Variants in PDZRN4 observed in about 807,000 individuals in gnomAD.
The protein encoded by PDZRN4 is PDZ domain containing ring finger 4, also known as PDZ domain-containing RING finger protein 4.
In PDZRN4, 70 loss-of-function variants were observed where a neutral mutation model predicts 99.0. That is an observed-to-expected ratio of 0.71 (90% CI 0.58 to 0.86). PDZRN4 has a LOEUF of 0.86. Among genes scored for constraint, PDZRN4 ranks in the 40% least tolerant of loss-of-function variants. PDZRN4 has a pLI of 0.00. For synonymous variants in PDZRN4, 551 were observed against 501.6 expected, an observed-to-expected ratio of 1.10 and a Z score of -1.32; for missense variants, 1,474 against 1,331.2, an observed-to-expected ratio of 1.11 and a Z score of -1.67.
At chr12:41,521,700 T>C (rs1938495394) in intron 5 of PDZRN4, among the ~76,000 whole-genome samples, 1 of 152,102 alleles carries the variant, frequency 6.6e-6, no homozygotes, top group Non-Finnish European at 1.5e-5. Context: ...AAGAATTTCT[T>C]CTTTCTCTTA....
chr12:41,523,005 C>A (rs1938518168), intron 5 of PDZRN4, among the ~76,000 whole-genome samples: 1 of 152,028 alleles, frequency 6.6e-6, no homozygotes, highest in African/African-American at 2.4e-5. Flanking sequence ...TTGTATCACT[C>A]TTATTGGAAG....
chr12:41,367,071 A>G (rs1952006119), intron 3 of PDZRN4, among the ~76,000 whole-genome samples: 1 of 152,086 alleles, frequency 6.6e-6, no homozygotes, highest in African/African-American at 2.4e-5. Context: ...ATGAGATTAC[A>G]AGAGGCAAAA....
rs567896522 is a variant in PDZRN4, at chr12:41,229,218, T to C, written c.843+35030T>C. 5.9e-5 allele frequency among the ~76,000 whole-genome samples: 9 copies of C among 151,652 alleles called. No individual in the cohort carries two copies. The South Asian group carries it at 1.7e-3, about 28-fold the overall frequency. On this transcript the variant is annotated intron_variant, in intron 3 of 9. Coordinates refer to ENST00000402685, the MANE Select transcript of PDZRN4 (RefSeq NM_001164595.2). ...ACATTAGATGAAATAATGTGCCTGT[T>C]TAACTTAGTAATGGACCACGCAAAA... is the stretch of plus-strand genomic sequence containing the variant.
chr12:41,441,056 C>T (rs1479858372), intron 3 of PDZRN4, among the ~76,000 whole-genome samples: 1 of 151,988 alleles, frequency 6.6e-6, no homozygotes, highest in African/African-American at 2.4e-5. Context: ...CATATGAATC[C>T]AGTGTAACTT....
At chr12:41,403,072 T>G (rs1019310024) in intron 3 of PDZRN4, among the ~76,000 whole-genome samples, 1 of 152,088 alleles carries the variant, frequency 6.6e-6, no homozygotes, top group Non-Finnish European at 1.5e-5. Flanking sequence ...CTTTTAAAAA[T>G]TCAGAATTAA....
intron 3 of PDZRN4, among the ~76,000 whole-genome samples, chr12:41,308,105 A>G (rs1810553566): frequency 6.6e-6 from 1 of 152,192 alleles, no homozygotes; most frequent in Non-Finnish European, 1.5e-5. Context: ...TAACATCAAA[A>G]AATAATTTTT....
intron 5 of PDZRN4, among the ~76,000 whole-genome samples, chr12:41,519,529 A>G (rs1479540555): frequency 6.6e-5 from 10 of 151,952 alleles, no homozygotes; most frequent in African/African-American, 2.2e-4. Flanking sequence ...TCCTGATCTT[A>G]GTCTCTGCCA....
At position 41,224,107 on chromosome 12, in the gene PDZRN4, A is replaced by G. The variant is rs550818353; in HGVS notation, c.843+29919A>G. 4.6e-5 allele frequency among the ~76,000 whole-genome samples: 7 copies of G among 152,336 alleles called. No individual in the cohort carries two copies. The East Asian group carries it at 1.4e-3, about 29-fold the overall frequency. ...GCCAGGCAAAGCTTTGCAATTGCCT[A>G]TGGTTGCATCTGAGAGGTCACCCAT... On this transcript the variant is annotated intron_variant, in intron 3 of 9. Transcript: ENST00000402685.
chr12:41,308,279 T>C (rs892093416), intron 3 of PDZRN4, among the ~76,000 whole-genome samples: 1 of 152,168 alleles, frequency 6.6e-6, no homozygotes, highest in African/African-American at 2.4e-5. Flanking sequence ...TGTCTGTCAC[T>C]AGGTACAAGA....
intron 3 of PDZRN4, among the ~76,000 whole-genome samples, chr12:41,206,001 C>T (rs889481100): frequency 1.5e-4 from 23 of 152,070 alleles, no homozygotes; most frequent in African/African-American, 5.5e-4. Context: ...GTGATGTCCA[C>T]TCACATTGCT....
At chr12:41,255,017 C>A (rs907405895) in intron 3 of PDZRN4, among the ~76,000 whole-genome samples, 1 of 152,014 alleles carries the variant, frequency 6.6e-6, no homozygotes, top group Admixed American at 6.6e-5. Flanking sequence ...GACATTGAGG[C>A]TGAGCTGTAG....
intron 7 of PDZRN4, among the ~76,000 whole-genome samples, chr12:41,561,212 A>G (rs1312626783): frequency 6.6e-6 from 1 of 152,136 alleles, no homozygotes; most frequent in Non-Finnish European, 1.5e-5. Flanking sequence ...AAATAAAACC[A>G]TGTTTACTAC....
intron 3 of PDZRN4, among the ~76,000 whole-genome samples, chr12:41,255,452 G>C (rs1951197897): frequency 6.6e-6 from 1 of 151,550 alleles, no homozygotes. Context: ...TTTTGTTTTT[G>C]GTAAGGGTAG....
intron 9 of PDZRN4, among the ~76,000 whole-genome samples, chr12:41,568,812 T>TTA (rs10670290): frequency 0.61 from 91,078 of 148,436 alleles, 29,463 homozygotes; most frequent in Middle Eastern, 0.78. Context: ...ATGTATTTTA[T>TTA]TATATATATA....
chr12:41,347,568 G>A (rs1565558398), intron 3 of PDZRN4, among the ~76,000 whole-genome samples: 4 of 152,130 alleles, frequency 2.6e-5, no homozygotes, highest in East Asian at 3.9e-4. Context: ...TGTGTGCTTT[G>A]GCAAATACTT....
At chr12:41,194,821 A>T (rs553396998) in intron 3 of PDZRN4, among the ~76,000 whole-genome samples, 103 of 152,314 alleles carry the variant, frequency 6.8e-4, no homozygotes, top group Admixed American at 1.2e-3. Context: ...TTATTATAAC[A>T]TTTCAAAAAA....
chr12:41,220,196 T>G (rs1467591967), intron 3 of PDZRN4, among the ~76,000 whole-genome samples: 1 of 152,086 alleles, frequency 6.6e-6, no homozygotes, highest in Non-Finnish European at 1.5e-5. Context: ...TTCTCACAGT[T>G]TTGGAGGCTA....
In PDZRN4 at chr12:41,488,985, T is replaced by A. The variant is rs1354294213; in HGVS notation, c.844-17471T>A. 2.0e-5 allele frequency among the ~76,000 whole-genome samples: 3 copies of A among 152,194 alleles called. No individual in the cohort carries two copies. The East Asian group carries it at 5.8e-4, about 29-fold the overall frequency. On this transcript the variant is annotated intron_variant, in intron 3 of 9. Transcript: ENST00000402685. ...GCAAGTTTTTCTAACCCACAGCCCA[T>A]GGGCTGCATACGGCCCAGGACAGCT...
At chr12:41,319,419 C>CTCA (rs1461871655) in intron 3 of PDZRN4, among the ~76,000 whole-genome samples, 1 of 152,086 alleles carries the variant, frequency 6.6e-6, no homozygotes, top group Admixed American at 6.6e-5. Context: ...GGCCTGGGTT[C>CTCA]TCAGTGTTTG....
Sources: gnomAD v4.1 joint callset for allele counts (sites outside exome capture counted in the v4.1 genomes callset) on GRCh38, gnomAD v4.1.1 for gene constraint, MANE v1.5 for transcripts, NCBI Gene and HGNC (gene_info 2026-07-23, HGNC 2026-07-21) for gene names.